The following DGLUCY variants were observed in gnomAD, a reference collection of about 807,000 sequenced individuals.
The protein encoded by DGLUCY is D-glutamate cyclase, mitochondrial.
Under a neutral mutation model 58.5 loss-of-function variants are expected in DGLUCY, and 58 were observed. The observed-to-expected ratio is 0.99, with a 90% confidence interval of 0.80 to 1.23. The LOEUF is 1.23. Among genes scored for constraint, DGLUCY ranks in the 50% most tolerant of loss-of-function variants. The pLI, the probability that DGLUCY is intolerant of heterozygous loss-of-function variation, is 0.00. For missense variants in DGLUCY, 779 were observed against 784.7 expected (o/e 0.99, Z 0.09); for synonymous variants, 325 against 314.1 (o/e 1.03, Z -0.37).
chr14:91,079,526 G>A (rs1039766124), intron 1 of DGLUCY, among the ~76,000 whole-genome samples: 1 of 151,964 alleles, frequency 6.6e-6, no homozygotes, highest in Admixed American at 6.6e-5. Context: ...GCTAGTTTTT[G>A]TATTTTTAGT....
At chr14:91,212,455 C>G (rs1013182414) in intron 12 of DGLUCY, among the ~76,000 whole-genome samples, 1 of 152,190 alleles carries the variant, frequency 6.6e-6, no homozygotes, top group Non-Finnish European at 1.5e-5. Flanking sequence ...TGTAAGGACT[C>G]CAGGAGCTAC....
chr14:91,148,032 G>C (rs967476146), intron 1 of DGLUCY, among the ~76,000 whole-genome samples: 4 of 152,048 alleles, frequency 2.6e-5, no homozygotes, highest in Admixed American at 6.5e-5. Flanking sequence ...AAATTAGCCA[G>C]GTGCAGTGGC....
intron 9 of DGLUCY, among the ~76,000 whole-genome samples, chr14:91,193,335 C>T (rs1341069172): frequency 6.6e-6 from 1 of 152,178 alleles, no homozygotes; most frequent in African/African-American, 2.4e-5. Flanking sequence ...ACTCTGCCCT[C>T]TCTGCTCACC....
chr14:91,061,322 C>G (rs953939693), intron 1 of DGLUCY, among the ~76,000 whole-genome samples: 1 of 152,142 alleles, frequency 6.6e-6, no homozygotes, highest in East Asian at 1.9e-4. Context: ...TCCCAGCTCC[C>G]GATGAGGAAT....
At chr14:91,167,611 T>C in intron 4 of DGLUCY, 1 of 719,412 alleles carries the variant, frequency 1.4e-6, no homozygotes, top group East Asian at 2.7e-5. Context: ...ATGGAGAAAG[T>C]CCAGCCCTGG....
Position 91,167,349 on chromosome 14 carries a change from G to A in DGLUCY, c.228G>A (p.Leu76=), listed in dbSNP as rs769522666. ...LGQSEPEKWM[L]PPQGAISETR... ...AGAGTGAGCCAGAAAAGTGGATGCT[G>A]CCCCCTCAAGGTGCTATCTCAGAGA... is the stretch of plus-strand genomic sequence containing the variant. Residue 76 remains leucine (L), a synonymous_variant, in exon 4 of 14, where the codon CTG becomes CTA. Coordinates refer to ENST00000256324, the MANE Select transcript of DGLUCY (RefSeq NM_001102368.3). 6.2e-7 allele frequency: 1 copy of A among 1,614,106 alleles called. No individual in the cohort carries two copies. The highest frequency in any genetic ancestry group is 8.5e-7 in the Non-Finnish European group (1 of 1,180,016).
chr14:91,065,644 A>T (rs911735808), intron 1 of DGLUCY, among the ~76,000 whole-genome samples: 1 of 152,182 alleles, frequency 6.6e-6, no homozygotes, highest in African/African-American at 2.4e-5. Context: ...CAAGTTTGTA[A>T]TGCACAACTC....
intron 9 of DGLUCY, among the ~76,000 whole-genome samples, chr14:91,191,783 A>G (rs888810684): frequency 3.3e-5 from 5 of 152,146 alleles, no homozygotes; most frequent in African/African-American, 1.2e-4. Flanking sequence ...GGGTGTGAGG[A>G]GAAGGATCAG....
intron 1 of DGLUCY, among the ~76,000 whole-genome samples, chr14:91,127,703 C>T (rs2045788961): frequency 6.6e-6 from 1 of 152,336 alleles, no homozygotes; most frequent in Admixed American, 6.5e-5. Flanking sequence ...TACCTGTGCT[C>T]CTAGCCTGGG....
chr14:91,215,518 G>A lies in DGLUCY; in HGVS notation c.1678G>A (p.Asp560Asn). The A allele has an allele frequency of 6.2e-7, 1 of 1,614,214 alleles. No individual in the cohort carries two copies. The highest frequency in any genetic ancestry group is 8.5e-7 in the Non-Finnish European group (1 of 1,180,032). Reference sequence around the variant, plus strand: ...AGTCGGACCCTCCAGGGCACCTGGAGATCAGGCCTGGACTCAGGCCCTCCC... The same window carrying A: ...AGTCGGACCCTCCAGGGCACCTGGAAATCAGGCCTGGACTCAGGCCCTCCC... ...KAVGPSRAPG[D>N]QAWTQALPSV... The change falls in exon 13 of 14, where the codon GAT becomes AAT. Residue 560 changes from aspartate to asparagine, a missense_variant. Asp to Asn is a conservative substitution (Grantham distance 23). Transcript: ENST00000256324.
intron 4 of DGLUCY, among the ~76,000 whole-genome samples, chr14:91,168,720 A>C (rs569847747): frequency 6.6e-6 from 1 of 152,376 alleles, no homozygotes; most frequent in East Asian, 1.9e-4. Flanking sequence ...GACGGTTGAC[A>C]TTCCTTGCTG....
intron 4 of DGLUCY, among the ~76,000 whole-genome samples, chr14:91,169,144 T>C (rs1204355222): frequency 2.0e-5 from 3 of 151,860 alleles, no homozygotes; most frequent in Non-Finnish European, 4.4e-5. Context: ...TGGGACAGTG[T>C]CCTCTCCATT....
chr14:91,221,682 C>G (rs532309061), intron 13 of DGLUCY, among the ~76,000 whole-genome samples: 4 of 152,214 alleles, frequency 2.6e-5, no homozygotes, highest in Middle Eastern at 6.8e-3. Context: ...GGAACAGCCT[C>G]GGGCCTCATT....
intron 11 of DGLUCY, among the ~76,000 whole-genome samples, chr14:91,202,353 G>T (rs986157258): frequency 6.6e-6 from 1 of 152,168 alleles, no homozygotes; most frequent in Non-Finnish European, 1.5e-5. Flanking sequence ...TTCCCTCTGG[G>T]TGGGTCTCAG....
At chr14:91,115,770 A>T (rs1357742620) in intron 1 of DGLUCY, among the ~76,000 whole-genome samples, 1 of 152,226 alleles carries the variant, frequency 6.6e-6, no homozygotes, top group African/African-American at 2.4e-5. Context: ...CCCGGAGGCC[A>T]ACTGGTGGCC....
intron 13 of DGLUCY, among the ~76,000 whole-genome samples, chr14:91,218,870 G>A (rs1887007706): frequency 6.6e-6 from 1 of 151,974 alleles, no homozygotes; most frequent in African/African-American, 2.4e-5. Flanking sequence ...GAGCCAAGAT[G>A]GAATGTGCAC....
chr14:91,079,582 A>G (rs2044090957), intron 1 of DGLUCY, among the ~76,000 whole-genome samples: 1 of 151,962 alleles, frequency 6.6e-6, no homozygotes, highest in Non-Finnish European at 1.5e-5. Flanking sequence ...ACAAACATAA[A>G]CATGATTTCT....
chr14:91,109,075 A>G (rs977705966), upstream of DGLUCY, among the ~76,000 whole-genome samples: 1 of 152,198 alleles, frequency 6.6e-6, no homozygotes, highest in Non-Finnish European at 1.5e-5. Flanking sequence ...TCATTTCCCA[A>G]ACAACTGAAA....
At chr14:91,088,442 G>A (rs1225841045) in intron 1 of DGLUCY, among the ~76,000 whole-genome samples, 1 of 152,084 alleles carries the variant, frequency 6.6e-6, no homozygotes, top group African/African-American at 2.4e-5. Flanking sequence ...CAGTCACTAG[G>A]ACAGTCCTAG....
Sources: allele counts gnomAD v4.1 joint callset (sites outside exome capture counted in the v4.1 genomes callset), GRCh38; gene constraint gnomAD v4.1.1; transcripts MANE v1.5; gene names NCBI Gene and HGNC (gene_info 2026-07-23, HGNC 2026-07-21).